USP49: variants seen among roughly 807,000 people sequenced by gnomAD.
USP49 encodes ubiquitin specific peptidase 49, also known as ubiquitin carboxyl-terminal hydrolase 49.
Under a neutral mutation model 58.6 loss-of-function variants are expected in USP49, and 24 were observed. The observed-to-expected ratio is 0.41, with a 90% CI of 0.30 to 0.58. The LOEUF is 0.58. Among genes scored for constraint, USP49 ranks in the 20% least tolerant of loss-of-function variants. USP49 has a pLI of 0.30. For missense variants in USP49, 703 were observed against 866.1 expected, an observed-to-expected ratio of 0.81 and a Z score of 2.36; for synonymous variants, 408 against 365.1, an observed-to-expected ratio of 1.12 and a Z score of -1.34.
At chr6:41,881,651 T>C (rs369078440) in intron 2 of USP49, among the ~76,000 whole-genome samples, 2 of 152,102 alleles carry the variant, frequency 1.3e-5, no homozygotes, top group African/African-American at 4.8e-5. Flanking sequence ...TTTTTGCTCA[T>C]AGATATTCAA....
intron 3 of USP49, among the ~76,000 whole-genome samples, chr6:41,836,740 TA>T (rs1190427735): frequency 6.6e-6 from 1 of 152,080 alleles, no homozygotes; most frequent in Non-Finnish European, 1.5e-5. Flanking sequence ...ACAACTTCAG[TA>T]AAGTTTCAGG....
intron 3 of USP49, among the ~76,000 whole-genome samples, chr6:41,861,341 G>A (rs887294481): frequency 7.2e-5 from 11 of 151,990 alleles, no homozygotes; most frequent in Non-Finnish European, 1.5e-4. Context: ...TACTTGGGAG[G>A]CTGAGGCAGG....
At chr6:41,834,550 G>C (rs1773692932) in intron 3 of USP49, among the ~76,000 whole-genome samples, 1 of 152,060 alleles carries the variant, frequency 6.6e-6, no homozygotes, top group Non-Finnish European at 1.5e-5. Context: ...GGATCAAGGG[G>C]GCAATTTCTC....
chr6:41,858,616 C>G (rs933734851), intron 3 of USP49, among the ~76,000 whole-genome samples: 10 of 152,116 alleles, frequency 6.6e-5, no homozygotes, highest in Admixed American at 5.9e-4. Context: ...TCCAACACAC[C>G]AGGCAATCTC....
chr6:41,866,274 C>T (rs1057081900), intron 3 of USP49, among the ~76,000 whole-genome samples: 3 of 152,024 alleles, frequency 2.0e-5, no homozygotes, highest in African/African-American at 7.2e-5. Flanking sequence ...CCACTCTATC[C>T]TCAGCACTCA....
intron 2 of USP49, among the ~76,000 whole-genome samples, chr6:41,875,850 G>A (rs1774495590): frequency 6.6e-6 from 1 of 152,068 alleles, no homozygotes; most frequent in Non-Finnish European, 1.5e-5. Flanking sequence ...TCCTGCCTCA[G>A]CCTCCTGAGT....
intron 3 of USP49, among the ~76,000 whole-genome samples, chr6:41,807,942 A>T (rs1009397065): frequency 6.7e-6 from 1 of 149,758 alleles, no homozygotes; most frequent in Non-Finnish European, 1.5e-5. Flanking sequence ...CACCCGGCTA[A>T]TTTTTTTGTA....
chr6:41,810,066 G>A (rs2127326331), intron 3 of USP49, among the ~76,000 whole-genome samples: 1 of 150,560 alleles, frequency 6.6e-6, no homozygotes, highest in Admixed American at 6.6e-5. Context: ...GCAGGGGAAT[G>A]GCGCGAACCC....
intron 3 of USP49, chr6:41,869,715 A>G (rs1256657671): frequency 6.6e-6 from 1 of 152,068 alleles, no homozygotes; most frequent in African/African-American, 2.4e-5. Flanking sequence ...CTCAAAAAAA[A>G]AAAAAATAGA....
At chr6:41,797,571 C>T in intron 7 of USP49, 1 of 966,982 alleles carries the variant, frequency 1.0e-6, no homozygotes, top group Non-Finnish European at 1.2e-6. Context: ...GGACCTAAAG[C>T]TCCTTTGGAG....
intron 3 of USP49, among the ~76,000 whole-genome samples, chr6:41,836,178 C>T (rs780640098): frequency 6.6e-6 from 1 of 151,942 alleles, no homozygotes; most frequent in Non-Finnish European, 1.5e-5. Context: ...TTTTTTGGCT[C>T]ATAGAGAACA....
Position 41,807,038 on chromosome 6 carries a change from A to G in USP49, c.-28-27T>C, listed in dbSNP as rs537423067. Reference sequence around the variant, plus strand: ...TGGCACGACAGAGTCCCCAAAAAAGAAAAAGAAAAAGAAAACACTTTTAGA... The same window carrying G: ...TGGCACGACAGAGTCCCCAAAAAAGGAAAAGAAAAAGAAAACACTTTTAGA... On this transcript the variant is annotated intron_variant, in intron 3 of 7. Transcript: ENST00000682992. 56 of 1,331,776 alleles carry G rather than the reference A, an allele frequency of 4.2e-5. 1 individual carries two copies. In the East Asian group the frequency reaches 1.4e-3, roughly 34 times the overall value. The allele number at this position is 1,331,776 out of a possible 1,614,324, so 82.5% of individuals were successfully genotyped here.
chr6:41,840,118 T>C (rs1161788943), intron 3 of USP49, among the ~76,000 whole-genome samples: 3 of 151,988 alleles, frequency 2.0e-5, no homozygotes, highest in Admixed American at 2.0e-4. Flanking sequence ...CTCATGCCTG[T>C]AATCCCAGCA....
In USP49 at chr6:41,796,237, T is replaced by A. The variant is rs1050731357; in HGVS notation, c.*296A>T. 24 of 293,162 alleles carry A rather than the reference T, an allele frequency of 8.2e-5. No homozygotes were observed. The highest frequency in any genetic ancestry group is 1.4e-4 in the Non-Finnish European group (22 of 154,024). The allele number at this position is 293,162 out of a possible 1,614,324, so 18.2% of individuals were successfully genotyped here. A position where few individuals can be genotyped will look rare whatever the true frequency, so the allele number is the denominator to read the frequency against. On this transcript the variant is annotated 3_prime_UTR_variant, in exon 8 of 8. Transcript: ENST00000682992. ...GCTCTCCTGTGTGGATATGATTGAT[T>A]TACCCCCCCGCCCCGCTTTCCTCCA...
chr6:41,890,438 C>T (rs771172594), intron 2 of USP49, among the ~76,000 whole-genome samples: 9 of 151,076 alleles, frequency 6.0e-5, no homozygotes, highest in Non-Finnish European at 1.0e-4. Context: ...GGAGGCCAGG[C>T]GCGGTGGCTC....
rs1475253002 is a variant in USP49 at position 41,792,745 on chromosome 6, T to TA, written c.*3787dup. On this transcript the variant is annotated 3_prime_UTR_variant, in exon 8 of 8. Coordinates refer to ENST00000682992, the MANE Select transcript of USP49 (RefSeq NM_001286554.2). ...TGAAATGCTTTTTAAAAGTCTGTGA[T>TA]ACCAGATGTCCTTTAAACACTACAC... is the stretch of plus-strand genomic sequence containing the variant. 1 of 152,264 alleles carries TA rather than the reference T, an allele frequency of 6.6e-6. No individual in the cohort carries two copies. The highest frequency in any genetic ancestry group is 2.4e-5 in the African/African-American group (1 of 41,470). The allele number at this position is 152,264 out of a possible 1,614,324, so 9.4% of individuals were successfully genotyped here.
intron 3 of USP49, among the ~76,000 whole-genome samples, chr6:41,857,943 C>G (rs1774158850): frequency 6.6e-6 from 1 of 152,148 alleles, no homozygotes; most frequent in Non-Finnish European, 1.5e-5. Flanking sequence ...GAAGCAGCTG[C>G]TATACTATTC....
At chr6:41,821,388 AG>A (rs1287114662) in intron 3 of USP49, among the ~76,000 whole-genome samples, 2 of 152,158 alleles carry the variant, frequency 1.3e-5, no homozygotes, top group African/African-American at 4.8e-5. Flanking sequence ...CTGTCTTTGG[AG>A]GGCATGAAGC....
intron 3 of USP49, among the ~76,000 whole-genome samples, chr6:41,835,804 T>C (rs1033091606): frequency 1.1e-4 from 16 of 151,724 alleles, no homozygotes; most frequent in South Asian, 2.1e-4. Flanking sequence ...CTGGGCACAG[T>C]AGCTCATGCC....
Sources: gnomAD v4.1 joint callset for allele counts (sites outside exome capture counted in the v4.1 genomes callset) on GRCh38, gnomAD v4.1.1 for gene constraint, MANE v1.5 for transcripts, NCBI Gene and HGNC (gene_info 2026-07-23, HGNC 2026-07-21) for gene names.